Variants in GNA13 observed in about 807,000 individuals in gnomAD.
The protein encoded by GNA13 is G protein subunit alpha 13, also known as guanine nucleotide-binding protein subunit alpha-13.
A neutral mutation model predicts 33.5 loss-of-function variants in GNA13; 4 were observed. The ratio of observed to expected loss-of-function variants is 0.12; its 90% CI spans 0.06 to 0.27. The LOEUF (loss-of-function observed/expected upper bound fraction) is 0.27. Among genes scored for constraint, GNA13 ranks in the 10% least tolerant of loss-of-function variants. The pLI, the probability that GNA13 is intolerant of heterozygous loss-of-function variation, is 1.00. For missense variants in GNA13, 319 were observed against 487.2 expected, an observed-to-expected ratio of 0.65 and a Z score of 3.25; for synonymous variants, 176 against 183.8, an observed-to-expected ratio of 0.96 and a Z score of 0.34.
At position 65,010,768 on chromosome 17, in the gene GNA13, G is replaced by A. The variant is rs1259057265; in HGVS notation, c.*3489C>T. The A allele has an allele frequency of 2.4e-5, 5 of 211,328 alleles. No homozygotes were observed. The highest frequency in any genetic ancestry group is 3.8e-5 in the Non-Finnish European group (4 of 104,166). The allele number at this position is 211,328 out of a possible 1,614,324, so 13.1% of individuals were successfully genotyped here. The stretch of plus-strand genomic sequence containing the variant: ...TGTTACAAATGTTTGGGCTTTACAG[G>A]CATGATTTCACGGATTCAAACAAGA... On this transcript the variant is annotated 3_prime_UTR_variant, in exon 4 of 4. Transcript: ENST00000439174.
intron 2 of GNA13, among the ~76,000 whole-genome samples, chr17:65,035,181 G>A (rs1270239342): frequency 2.6e-5 from 4 of 152,122 alleles, no homozygotes; most frequent in Non-Finnish European, 5.9e-5. Flanking sequence ...GTAGCAACAT[G>A]GTAATATTTA....
At chr17:65,039,819 A>C (rs1317831570) in intron 2 of GNA13, among the ~76,000 whole-genome samples, 1 of 152,210 alleles carries the variant, frequency 6.6e-6, no homozygotes, top group Admixed American at 6.5e-5. Context: ...CACCTAACCC[A>C]CAAAAAGGTA....
At position 65,033,094 on chromosome 17, in the gene GNA13, G is replaced by C. The variant is rs376321848; in HGVS notation, c.511-14791C>G. On this transcript the variant is annotated intron_variant, in intron 2 of 3. Transcript: ENST00000439174. ...CCACTGTACTCTAGCCTGGGCAACA[G>C]AGCGAGACTCCATTTAAAAAAAAAA... is the stretch of plus-strand genomic sequence containing the variant. 2.9e-3 allele frequency among the ~76,000 whole-genome samples: 437 copies of C among 150,796 alleles called. 4 individuals are homozygous for C. Among genetic ancestry groups the C allele is most frequent in the African/African-American group, 0.01 (420 of 41,010 alleles).
rs115200406 is a variant in GNA13 at position 65,046,961 on chromosome 17, C to T, written c.510+6541G>A. 4.1e-3 allele frequency among the ~76,000 whole-genome samples: 623 copies of T among 152,080 alleles called. 1 individual carries two copies. Among genetic ancestry groups the T allele is most frequent in the African/African-American group, 0.015 (608 of 41,472 alleles). On this transcript the variant is annotated intron_variant, in intron 2 of 3. Coordinates refer to ENST00000439174, the MANE Select transcript of GNA13 (RefSeq NM_006572.6). ...AGTCAAGTTTTCACCCAAAAAAATGCGAACATGAAAATTTCAACATAATAG... is the reference window on the plus strand; with the variant it reads ...AGTCAAGTTTTCACCCAAAAAAATGTGAACATGAAAATTTCAACATAATAG...
intron 2 of GNA13, among the ~76,000 whole-genome samples, chr17:65,050,767 G>A (rs866086545): frequency 6.6e-6 from 1 of 152,098 alleles, no homozygotes; most frequent in African/African-American, 2.4e-5. Flanking sequence ...AATGCTGAGC[G>A]TAGACTCAGG....
At chr17:65,032,967 C>T (rs377711280) in intron 2 of GNA13, among the ~76,000 whole-genome samples, 8 of 151,996 alleles carry the variant, frequency 5.3e-5, no homozygotes, top group Admixed American at 2.6e-4. Flanking sequence ...AAAAATTAGC[C>T]GGGCGTGGTG....
At chr17:65,043,337 G>C (rs1372351906) in intron 2 of GNA13, among the ~76,000 whole-genome samples, 1 of 151,432 alleles carries the variant, frequency 6.6e-6, no homozygotes, top group Non-Finnish European at 1.5e-5. Flanking sequence ...TCCCAGGCTG[G>C]AGTGCAGTGG....
intron 2 of GNA13, among the ~76,000 whole-genome samples, chr17:65,026,854 C>T (rs1476103467): frequency 2.0e-5 from 3 of 152,192 alleles, no homozygotes; most frequent in Middle Eastern, 3.2e-3. Context: ...TCCTGGCTCA[C>T]CACAACCTCC....
In GNA13 at chr17:65,053,565, T is replaced by C. The variant is rs1407896556; in HGVS notation, c.447A>G (p.Ile149Met). The C allele has an allele frequency of 2.5e-6, 4 of 1,614,058 alleles. No individual in the cohort carries two copies. Among genetic ancestry groups the C allele is most frequent in the South Asian group, 2.2e-5 (2 of 91,080 alleles). ...TRVFLQYLPA[I>M]RALWADSGIQ... Reference sequence around the variant, plus strand: ...TGCCGCTGTCTGCCCATAATGCTCTTATAGCAGGAAGATATTGTAAGAAAA... The same window carrying C: ...TGCCGCTGTCTGCCCATAATGCTCTCATAGCAGGAAGATATTGTAAGAAAA... Residue 149 changes from isoleucine (I) to methionine (M), a missense_variant, in exon 2 of 4, where the codon ATA becomes ATG. Ile to Met is a conservative substitution (Grantham distance 10). Coordinates refer to ENST00000439174, the MANE Select transcript of GNA13 (RefSeq NM_006572.6).
At chr17:65,020,946 C>T (rs922160481) in intron 2 of GNA13, among the ~76,000 whole-genome samples, 3 of 152,060 alleles carry the variant, frequency 2.0e-5, no homozygotes, top group South Asian at 4.1e-4. Flanking sequence ...CCACCATGAC[C>T]GGCCTGGAAA....
At position 65,011,966 on chromosome 17, in the gene GNA13, A is replaced by C. The variant is rs1906203179; in HGVS notation, c.*2291T>G. ...GCCTTTAGATTGAACTTAAAGTTCT[A>C]CTGAATGTCAAAACAAGCCTAAGTT... On this transcript the variant is annotated 3_prime_UTR_variant, in exon 4 of 4. Coordinates refer to ENST00000439174, the MANE Select transcript of GNA13 (RefSeq NM_006572.6). The C allele has an allele frequency of 4.4e-6, 1 of 226,682 alleles. No individual in the cohort carries two copies. Among genetic ancestry groups the C allele is most frequent in the South Asian group, 1.8e-4 (1 of 5,466 alleles). The allele number at this position is 226,682 out of a possible 1,614,324, so 14.0% of individuals were successfully genotyped here.
intron 2 of GNA13, among the ~76,000 whole-genome samples, chr17:65,026,524 G>A (rs1339241418): frequency 1.3e-5 from 2 of 152,116 alleles, no homozygotes; most frequent in Non-Finnish European, 2.9e-5. Context: ...CGTTTCCAAA[G>A]TAAGTATAAT....
intron 2 of GNA13, among the ~76,000 whole-genome samples, chr17:65,043,526 A>G (rs1387715492): frequency 6.6e-6 from 1 of 152,126 alleles, no homozygotes; most frequent in Non-Finnish European, 1.5e-5. Flanking sequence ...GACTCAAGCA[A>G]TCTGCTCACC....
At chr17:65,041,927 C>T (rs1907468028) in intron 2 of GNA13, among the ~76,000 whole-genome samples, 1 of 152,190 alleles carries the variant, frequency 6.6e-6, no homozygotes, top group African/African-American at 2.4e-5. Flanking sequence ...CTATATAACA[C>T]TCTATTATTT....
chr17:65,043,501 G>A (rs1324665039), intron 2 of GNA13, among the ~76,000 whole-genome samples: 2 of 152,000 alleles, frequency 1.3e-5, no homozygotes, highest in Non-Finnish European at 2.9e-5. Context: ...TGCCCAGGCT[G>A]GTCTCAAACT....
intron 2 of GNA13, among the ~76,000 whole-genome samples, chr17:65,024,989 C>T (rs1007083932): frequency 1.3e-5 from 2 of 152,102 alleles, no homozygotes; most frequent in Non-Finnish European, 2.9e-5. Flanking sequence ...CTTGACCACC[C>T]GGGCTCAGGT....
chr17:65,016,602 T>C (rs1906378721), intron 3 of GNA13, among the ~76,000 whole-genome samples: 1 of 152,146 alleles, frequency 6.6e-6, no homozygotes, highest in East Asian at 1.9e-4. Flanking sequence ...CCTCAAGTGA[T>C]CCTCCCGCCT....
chr17:65,045,519 A>AC (rs890418309), intron 2 of GNA13, among the ~76,000 whole-genome samples: 7 of 151,468 alleles, frequency 4.6e-5, no homozygotes, highest in Non-Finnish European at 7.4e-5. Context: ...AAAAAAAAAA[A>AC]AAAAAAAAAC....
chr17:65,051,358 G>GT (rs1907851872), intron 2 of GNA13, among the ~76,000 whole-genome samples: 2 of 152,186 alleles, frequency 1.3e-5, no homozygotes. Flanking sequence ...GCTCATGCCT[G>GT]TAATCCCAGC....
Sources: gnomAD v4.1 joint callset for allele counts (sites outside exome capture counted in the v4.1 genomes callset) on GRCh38, gnomAD v4.1.1 for gene constraint, MANE v1.5 for transcripts, NCBI Gene and HGNC (gene_info 2026-07-23, HGNC 2026-07-21) for gene names.